Variants in ITGA6 observed in about 807,000 individuals in gnomAD.
ITGA6 encodes the protein integrin alpha-6.
In ITGA6, 63 loss-of-function variants were observed where a neutral mutation model predicts 133.6. That is an observed-to-expected ratio of 0.47 (90% confidence interval 0.38 to 0.58). The LOEUF is 0.58. ITGA6 is among the 20% of genes least tolerant of loss of function. The pLI, the probability that ITGA6 is intolerant of heterozygous loss-of-function variation, is 0.00. For missense variants in ITGA6, 1,068 were observed against 1,309.4 expected (o/e 0.82, Z 2.85); for synonymous variants, 434 against 482.0 (o/e 0.90, Z 1.30).
intron 1 of ITGA6, among the ~76,000 whole-genome samples, chr2:172,444,773 C>T (rs1684689556): frequency 6.9e-6 from 1 of 144,576 alleles, no homozygotes; most frequent in African/African-American, 2.5e-5. Context: ...CCCCACAACC[C>T]AGCAATAAAG....
intron 13 of ITGA6, 86 bp downstream of exon 13, chr2:172,485,350 T>A: frequency 8.3e-7 from 1 of 1,207,562 alleles, no homozygotes; most frequent in Non-Finnish European, 1.2e-6. Flanking sequence ...ATAGAACTAG[T>A]GATTTGCTTT....
intron 4 of ITGA6, among the ~76,000 whole-genome samples, chr2:172,469,857 G>T (rs1323673733): frequency 3.3e-5 from 5 of 152,152 alleles, no homozygotes; most frequent in Non-Finnish European, 7.4e-5. Context: ...ATTCAGTAGA[G>T]TTAGAAGGGC....
At position 172,484,775 on chromosome 2, in the gene ITGA6, T is replaced by C. The variant is rs1328852919; in HGVS notation, c.1550-7T>C. On this transcript the variant is annotated splice_region_variant and splice_polypyrimidine_tract_variant and intron_variant, in intron 11 of 25. Coordinates refer to ENST00000684293, the MANE Select transcript of ITGA6 (RefSeq NM_000210.4). ...ACTTACGTTAATATGATTTTAATTT[T>C]ATCTAGCAATTGTGGGCACACTTGA... The C allele has an allele frequency of 6.2e-7, 1 of 1,613,002 alleles. No individual in the cohort carries two copies. Among genetic ancestry groups the C allele is most frequent in the Non-Finnish European group, 8.5e-7 (1 of 1,179,082 alleles).
intron 25 of ITGA6, 91 bp from the exon 26 acceptor site, chr2:172,504,000 T>G (rs1057468304): frequency 2.0e-6 from 2 of 993,064 alleles, no homozygotes; most frequent in Non-Finnish European, 2.9e-6. Flanking sequence ...GAGGTAGACA[T>G]AGCTGAACAG....
At chr2:172,486,578 G>A (rs2149071682) in intron 13 of ITGA6, among the ~76,000 whole-genome samples, 1 of 152,172 alleles carries the variant, frequency 6.6e-6, no homozygotes, top group South Asian at 2.1e-4. Flanking sequence ...CTGTTGTGAG[G>A]ATTAAATGAG....
At chr2:172,488,959 T>A (rs776637217) in intron 19 of ITGA6, among the ~76,000 whole-genome samples, 7 of 152,132 alleles carry the variant, frequency 4.6e-5, no homozygotes, top group Non-Finnish European at 1.0e-4. Context: ...TTACCTCCTG[T>A]GTTTGGCTTC....
intron 1 of ITGA6, among the ~76,000 whole-genome samples, chr2:172,437,514 T>C (rs980715239): frequency 2.0e-5 from 3 of 152,068 alleles, no homozygotes; most frequent in African/African-American, 7.2e-5. Context: ...GTATTATGGT[T>C]TGGGGAGAGA....
chr2:172,459,793 C>T (rs1441677842), intron 1 of ITGA6, among the ~76,000 whole-genome samples: 8 of 152,170 alleles, frequency 5.3e-5, no homozygotes, highest in Non-Finnish European at 1.0e-4. Flanking sequence ...CCAGGATAGC[C>T]ATGAAGGGCT....
intron 1 of ITGA6, among the ~76,000 whole-genome samples, chr2:172,435,753 C>T (rs1451127710): frequency 6.6e-6 from 1 of 151,546 alleles, no homozygotes; most frequent in Non-Finnish European, 1.5e-5. Flanking sequence ...TCTGCCTCCC[C>T]AGTAGCTGGG....
In ITGA6 at chr2:172,506,330, A is replaced by G. The variant is rs1422675666; in HGVS notation, c.*2262A>G. ...GTCTCATGTAATCTCAGATCAGCCA[A>G]AGATACTAGTGCCAAAGCAATGGGA... On this transcript the variant is annotated 3_prime_UTR_variant, in exon 26 of 26. Coordinates refer to ENST00000684293, the MANE Select transcript of ITGA6 (RefSeq NM_000210.4). The G allele has an allele frequency of 1.3e-5, 2 of 152,594 alleles. No individual in the cohort carries two copies. Among genetic ancestry groups the G allele is most frequent in the African/African-American group, 4.8e-5 (2 of 41,472 alleles). 9.5% of individuals were successfully genotyped at this position (152,594 alleles called of 1,614,324 possible).
rs1210923835 is a variant in ITGA6, at chr2:172,491,485, G to A, written c.2950G>A (p.Ala984Thr). The A allele has an allele frequency of 6.2e-7, 1 of 1,613,738 alleles. No individual in the cohort carries two copies. Among genetic ancestry groups the A allele is most frequent in the Non-Finnish European group, 8.5e-7 (1 of 1,179,954 alleles). The part of the protein sequence containing the change: ...LMRAFIDVTA[A>T]AENIRLPNAG... ...GCGAGCCTTCATTGATGTGACTGCT[G>A]CTGCCGAAAATATCAGGCTGCCAAA... The change falls in exon 23 of 26, where the codon GCT becomes ACT. Residue 984 changes from alanine to threonine, a missense_variant. Physicochemically the swap from Ala to Thr is moderately conservative, Grantham distance 58 (BLOSUM62 0). This residue lies in a region of ITGA6 where 609 missense variants were observed against 707.2 expected (regional missense o/e 0.86). Transcript: ENST00000684293. This position sits in a 1 kb window ranked among gnomAD's most constrained non-coding sequence, Gnocchi z 4.4.
chr2:172,439,664 C>G (rs1034869760), intron 1 of ITGA6, among the ~76,000 whole-genome samples: 4 of 148,570 alleles, frequency 2.7e-5, no homozygotes, highest in Admixed American at 2.0e-4. Flanking sequence ...TGTACATGTT[C>G]ACCTGCCTCT....
chr2:172,450,532 A>G (rs1232313623), intron 1 of ITGA6, among the ~76,000 whole-genome samples: 1 of 152,220 alleles, frequency 6.6e-6, no homozygotes, highest in Non-Finnish European at 1.5e-5. Context: ...TGGTCAGAGT[A>G]AAATGTGGAG....
At position 172,465,627 on chromosome 2, in the gene ITGA6, CGGGG is replaced by C; in HGVS notation, c.273_276del (p.Gly92HisfsTer37). The C allele has an allele frequency of 6.2e-7, 1 of 1,614,208 alleles. No individual in the cohort carries two copies. The highest frequency in any genetic ancestry group is 1.1e-5 in the South Asian group (1 of 91,084). On this transcript the variant is annotated frameshift_variant, in exon 2 of 26. Transcript: ENST00000684293. LOFTEE classifies it high-confidence loss of function. ...GCTGTACAGCTGCGACATCACCGCCCGGGGGCCATGCACGCGGATCGAGTTTGAT... is the reference window on the plus strand; with the variant it reads ...GCTGTACAGCTGCGACATCACCGCCCGCCATGCACGCGGATCGAGTTTGAT...
intron 1 of ITGA6, chr2:172,465,212 C>T: frequency 2.7e-6 from 1 of 375,230 alleles, no homozygotes. Flanking sequence ...TCCCTGGCAT[C>T]ATAGGGGCTT....
chr2:172,440,680 C>T (rs796100364), intron 1 of ITGA6, among the ~76,000 whole-genome samples: 7 of 152,116 alleles, frequency 4.6e-5, no homozygotes, highest in African/African-American at 7.2e-5. Context: ...TTTTCCAATC[C>T]GGTTAAGGAC....
chr2:172,464,814 G>C (rs1387930917), intron 1 of ITGA6, among the ~76,000 whole-genome samples: 1 of 152,172 alleles, frequency 6.6e-6, no homozygotes, highest in Admixed American at 6.5e-5. Flanking sequence ...TAGGATGAGA[G>C]AGGACGAACT....
rs1419807933 is a variant in ITGA6, at chr2:172,427,842, C to T, written c.54C>T (p.Ser18=). ...TCTACCTGTCGGCGGGGCTCCTGTC[C>T]CGGCTCGGCGCAGCCTTCAACTTGG... The part of the protein sequence containing the change: ...CLLYLSAGLL[S]RLGAAFNLDT... The change falls in exon 1 of 26, where the codon TCC becomes TCT. Residue 18 remains serine, a synonymous_variant. Transcript: ENST00000684293. The T allele has an allele frequency of 6.2e-7, 1 of 1,605,636 alleles. No individual in the cohort carries two copies. Among genetic ancestry groups the T allele is most frequent in the Non-Finnish European group, 8.5e-7 (1 of 1,176,788 alleles).
intron 1 of ITGA6, among the ~76,000 whole-genome samples, chr2:172,429,641 T>C (rs1368988684): frequency 2.0e-5 from 3 of 152,246 alleles, no homozygotes; most frequent in Non-Finnish European, 4.4e-5. Context: ...AACTTGTTAC[T>C]GCTGCTGGGC....
Sources: allele counts gnomAD v4.1 joint callset (sites outside exome capture counted in the v4.1 genomes callset), GRCh38; gene constraint gnomAD v4.1.1; regional missense constraint gnomAD v4.1.1; non-coding constraint Gnocchi (gnomAD v3.1); transcripts MANE v1.5; gene names NCBI Gene and HGNC (gene_info 2026-07-23, HGNC 2026-07-21).